CTDP1: variants seen among roughly 807,000 people sequenced by gnomAD.
CTDP1 encodes CTD phosphatase 1, also known as RNA polymerase II subunit A C-terminal domain phosphatase.
In CTDP1, 47 loss-of-function variants were observed where a neutral mutation model predicts 91.8. The ratio of observed to expected loss-of-function variants is 0.51; its 90% confidence interval spans 0.41 to 0.65. The LOEUF (loss-of-function observed/expected upper bound fraction) is 0.65, where lower values mean the gene tolerates loss of function less well. Among genes scored for constraint, CTDP1 ranks in the 30% least tolerant of loss-of-function variants. The pLI is 0.00. For missense variants in CTDP1, 1,272 were observed against 1,373.7 expected (o/e 0.93, Z 1.17); for synonymous variants, 656 against 598.5 (o/e 1.10, Z -1.40).
Position 79,718,162 on chromosome 18 carries a change from C to T in CTDP1, c.2417+146C>T, listed in dbSNP as rs369994695. The T allele has an allele frequency of 1.4e-3, 1,324 of 940,532 alleles. 31 individuals are homozygous for T. The South Asian group carries it at 0.018, about 13-fold the overall frequency. The allele number at this position is 940,532 out of a possible 1,614,324, so 58.3% of individuals were successfully genotyped here. A position where few individuals can be genotyped will look rare whatever the true frequency, so the allele number is the denominator to read the frequency against. On this transcript the variant is annotated intron_variant, in intron 10 of 12. Coordinates refer to ENST00000613122, the MANE Select transcript of CTDP1 (RefSeq NM_004715.5). ...GACTCCTGCTTCCACCTTGTGGGAGCGCCGCCCCCGCTTGCAGTCTTGGGT... is the reference window on the plus strand; with the variant it reads ...GACTCCTGCTTCCACCTTGTGGGAGTGCCGCCCCCGCTTGCAGTCTTGGGT...
At chr18:79,678,141 TACC>T (rs915473161), upstream of CTDP1, 2 of 152,252 alleles carry the variant, frequency 1.3e-5, no homozygotes, top group Admixed American at 1.3e-4. Context: ...CCATTCTAAT[TACC>T]ACATTTAAAT....
Position 79,695,993 on chromosome 18 carries a change from G to A in CTDP1, c.415G>A (p.Gly139Arg), listed in dbSNP as rs779336386. 16 of 1,612,438 alleles carry A rather than the reference G, an allele frequency of 9.9e-6. No individual in the cohort carries two copies. In the Middle Eastern group the frequency reaches 4.9e-4, roughly 50 times the overall value. ...QDLTQLQSKNGKQQVPLSTAT... is the reference protein window; with the variant it reads ...QDLTQLQSKNRKQQVPLSTAT... ...CACTTGCAGGTTGCAGAGTAAGAACGGGAAGCAGCAGGTGCCGCTGTCCAC... is the reference window on the plus strand; with the variant it reads ...CACTTGCAGGTTGCAGAGTAAGAACAGGAAGCAGCAGGTGCCGCTGTCCAC... Residue 139 changes from glycine (G) to arginine (R), a missense_variant, in exon 3 of 13, where the codon GGG (glycine) becomes AGG (arginine). Transcript: ENST00000613122.
chr18:79,742,793 A>T (rs1389582169), intron 12 of CTDP1, among the ~76,000 whole-genome samples: 5 of 152,124 alleles, frequency 3.3e-5, no homozygotes, highest in East Asian at 1.9e-4. Flanking sequence ...CCCTGTCTCT[A>T]CTGAAAATAC....
intron 10 of CTDP1, among the ~76,000 whole-genome samples, chr18:79,727,875 G>T (rs1384513480): frequency 6.6e-6 from 1 of 152,058 alleles, no homozygotes; most frequent in Non-Finnish European, 1.5e-5. Flanking sequence ...CTTTCCCAGA[G>T]GCTTGCCTTA....
chr18:79,679,458 C>A (rs969046423), upstream of CTDP1: 2 of 456,252 alleles, frequency 4.4e-6, no homozygotes, highest in Admixed American at 4.7e-5. Flanking sequence ...TCTCGGGATG[C>A]TGGGTCTCAG....
Position 79,717,971 on chromosome 18 carries a change from C to T in CTDP1, c.2372C>T (p.Ala791Val), listed in dbSNP as rs148819920. ...LIRTGARGPP[A>V]PSSSLPIRQE... ...AGGACGGGCGCCCGGGGGCCCCCAG[C>T]ACCCTCCAGCTCCCTACCCATCCGC... Residue 791 changes from alanine (A) to valine (V), a missense_variant, in exon 10 of 13, where the codon GCA becomes GTA. Ala to Val is a moderately conservative substitution (Grantham distance 64, BLOSUM62 0). Around this residue, in one of 3 missense-constraint regions of CTDP1, gnomAD observed 881 missense variants for 911.6 expected, o/e 0.97. Transcript: ENST00000613122. The T allele has an allele frequency of 6.9e-5, 112 of 1,613,524 alleles. 2 individuals carry two copies. The highest frequency in any genetic ancestry group is 6.5e-4 in the East Asian group (29 of 44,880).
intron 12 of CTDP1, among the ~76,000 whole-genome samples, chr18:79,739,492 A>T (rs2086732172): frequency 1.3e-5 from 2 of 152,098 alleles, no homozygotes; most frequent in African/African-American, 4.8e-5. Context: ...GAACCACGCA[A>T]GCACGGAACT....
intron 8 of CTDP1, among the ~76,000 whole-genome samples, chr18:79,716,525 T>A (rs967968936): frequency 2.6e-5 from 4 of 152,176 alleles, no homozygotes; most frequent in Non-Finnish European, 5.9e-5. Context: ...AGCCCTGGCC[T>A]CCTGTGGGCA....
At chr18:79,695,426 C>G (rs2085726882) in intron 2 of CTDP1, 118 bp downstream of exon 2, 1 of 859,652 alleles carries the variant, frequency 1.2e-6, no homozygotes, top group African/African-American at 1.7e-5. Context: ...GCGGCAGATG[C>G]AGACGCCTCC....
chr18:79,751,843 C>T (rs72978111), intron 12 of CTDP1, among the ~76,000 whole-genome samples: 18,334 of 152,182 alleles, frequency 0.12, 1,540 homozygotes, highest in Non-Finnish European at 0.19. Flanking sequence ...ATTGTATCTA[C>T]GTTAGCTAAG....
intron 3 of CTDP1, among the ~76,000 whole-genome samples, chr18:79,696,792 C>G (rs944493251): frequency 7.9e-5 from 12 of 152,146 alleles, no homozygotes; most frequent in African/African-American, 2.9e-4. Context: ...TGCTGGGGCA[C>G]TGTGGGTCAG....
intron 12 of CTDP1, among the ~76,000 whole-genome samples, chr18:79,744,608 A>G (rs936512308): frequency 6.6e-6 from 1 of 152,246 alleles, no homozygotes; most frequent in African/African-American, 2.4e-5. Context: ...ATGCTTCTAC[A>G]GGTAAAGAAG....
intron 10 of CTDP1, among the ~76,000 whole-genome samples, chr18:79,723,768 G>A (rs1469315978): frequency 6.6e-6 from 1 of 152,104 alleles, no homozygotes; most frequent in African/African-American, 2.4e-5. Flanking sequence ...GGCCCTTCAT[G>A]GCCTCAGCCG....
In CTDP1 at chr18:79,710,381, C is replaced by T. The variant is rs996803326; in HGVS notation, c.808C>T (p.Arg270Ter). 3 of 1,613,690 alleles carry T rather than the reference C, an allele frequency of 1.9e-6. No individual in the cohort carries two copies. Among genetic ancestry groups the T allele is most frequent in the African/African-American group, 1.3e-5 (1 of 74,830 alleles). ...CCCCGAGAAGAAGCTTTTTTCTCAC[C>T]GAATATTATCAAGGGATGAATGTAT... ...LDPEKKLFSH[R>*]ILSRDECIDP... is the part of the protein sequence containing the mutation. Residue 270 changes from arginine (R) to a stop codon, truncating the protein, a stop_gained, in exon 6 of 13, where the codon CGA becomes TGA. Coordinates refer to ENST00000613122, the MANE Select transcript of CTDP1 (RefSeq NM_004715.5). LOFTEE classifies it high-confidence loss of function.
chr18:79,739,583 G>A lies in CTDP1; in HGVS notation c.2747+3062G>A, dbSNP rs965623656. Among the ~76,000 whole-genome samples the A allele has an allele frequency of 2.0e-5, 3 of 152,300 alleles. No individual in the cohort carries two copies. The South Asian group carries it at 6.2e-4, about 32-fold the overall frequency. On this transcript the variant is annotated intron_variant, in intron 12 of 12. Coordinates refer to ENST00000613122, the MANE Select transcript of CTDP1 (RefSeq NM_004715.5). ...CGGCTTCCATGCTGCCCTCCCAGCT[G>A]CAGGAGGTGGTTGGGGTTCTGCCTC...
At chr18:79,742,545 T>C (rs999971583) in intron 12 of CTDP1, among the ~76,000 whole-genome samples, 1 of 152,264 alleles carries the variant, frequency 6.6e-6, no homozygotes, top group Non-Finnish European at 1.5e-5. Flanking sequence ...AGATGAAATC[T>C]GAATCCACAC....
intron 3 of CTDP1, 70 bp from the exon 4 acceptor site, chr18:79,697,790 G>A (rs906016421): frequency 1.2e-5 from 20 of 1,601,448 alleles, no homozygotes; most frequent in Admixed American, 1.7e-5. Flanking sequence ...TGTGTTTCTC[G>A]ATGAAATGGA....
At position 79,754,220 on chromosome 18, in the gene CTDP1, C is replaced by A; in HGVS notation, c.*430C>A. On this transcript the variant is annotated 3_prime_UTR_variant, in exon 13 of 13. Transcript: ENST00000613122. ...GAGCTCCGAGCCCAGCACAGACATG[C>A]CTGGAACCCCCGCCGCCTGCTGCTC... 4.0e-6 allele frequency: 1 copy of A among 250,814 alleles called. No individual in the cohort carries two copies. Among genetic ancestry groups the A allele is most frequent in the Non-Finnish European group, 7.9e-6 (1 of 125,976 alleles). 15.5% of individuals were successfully genotyped at this position (250,814 alleles called of 1,614,324 possible). A position where few individuals can be genotyped will look rare whatever the true frequency, so the allele number is the denominator to read the frequency against.
chr18:79,707,029 C>T (rs992158293), intron 5 of CTDP1, among the ~76,000 whole-genome samples: 6 of 152,246 alleles, frequency 3.9e-5, no homozygotes, highest in Non-Finnish European at 5.9e-5. Context: ...TCTTTAGGTT[C>T]GCTGTTTCAC....
Sources: allele counts gnomAD v4.1 joint callset (sites outside exome capture counted in the v4.1 genomes callset), GRCh38; gene constraint gnomAD v4.1.1; regional missense constraint gnomAD v4.1.1; transcripts MANE v1.5; gene names NCBI Gene and HGNC (gene_info 2026-07-23, HGNC 2026-07-21).